NHSL2: variants seen among roughly 807,000 people sequenced by gnomAD.
The protein encoded by NHSL2 is NHS like 2, also known as NHS-like protein 2.
In NHSL2, 27 loss-of-function variants were observed where a neutral mutation model predicts 53.4. The ratio of observed to expected loss-of-function variants is 0.51; its 90% confidence interval spans 0.37 to 0.70. NHSL2 has a LOEUF of 0.70. NHSL2 is among the 30% of genes least tolerant of loss of function. The pLI is 0.00. For synonymous variants in NHSL2, 408 were observed against 404.1 expected, an observed-to-expected ratio of 1.01 and a Z score of -0.12; for missense variants, 892 against 980.1, an observed-to-expected ratio of 0.91 and a Z score of 1.20.
chrX:71,959,911 G>A (rs1219617454), intron 1 of NHSL2, among the ~76,000 whole-genome samples: 1 of 111,288 alleles, frequency 9.0e-6, no homozygotes, highest in Admixed American at 9.5e-5. Flanking sequence ...TTTTTGCGGA[G>A]CCTAGGAGTG....
At chrX:72,060,988 C>G (rs1349480985) in intron 1 of NHSL2, among the ~76,000 whole-genome samples, 1 of 112,607 alleles carries the variant, frequency 8.9e-6, no homozygotes, top group Non-Finnish European at 1.9e-5. Flanking sequence ...CTTGAAGGCA[C>G]AAGTTGGCAG....
intron 1 of NHSL2, among the ~76,000 whole-genome samples, chrX:72,120,296 A>T (rs375719945): frequency 1.8e-5 from 2 of 112,477 alleles, no homozygotes; most frequent in East Asian, 5.6e-4. Context: ...GTTTGGAAGA[A>T]TTCACCAATG....
At chrX:72,009,802 G>A (rs2042108654) in intron 1 of NHSL2, among the ~76,000 whole-genome samples, 1 of 112,683 alleles carries the variant, frequency 8.9e-6, no homozygotes, top group Non-Finnish European at 1.9e-5. Flanking sequence ...CAGTGCCTAG[G>A]ACAGGACCTG....
intron 1 of NHSL2, among the ~76,000 whole-genome samples, chrX:72,026,155 TGATGTATA>T (rs1335514424): frequency 8.9e-6 from 1 of 112,103 alleles, no homozygotes; most frequent in African/African-American, 3.2e-5. Flanking sequence ...CCCGATTCCC[TGATGTATA>T]GACAGCAGGA....
chrX:72,023,261 G>A (rs911906644), intron 1 of NHSL2, among the ~76,000 whole-genome samples: 1 of 112,611 alleles, frequency 8.9e-6, no homozygotes, highest in African/African-American at 3.2e-5. Flanking sequence ...GTAGAAATAC[G>A]TGTGAAAATG....
chrX:72,008,609 G>A (rs1168044081), intron 1 of NHSL2, among the ~76,000 whole-genome samples: 1 of 112,279 alleles, frequency 8.9e-6, no homozygotes, highest in Non-Finnish European at 1.9e-5. Context: ...ATGTGATAGG[G>A]TATTAGGATT....
intron 1 of NHSL2, among the ~76,000 whole-genome samples, chrX:71,948,831 A>C (rs1346683131): frequency 2.5e-5 from 2 of 80,478 alleles, no homozygotes; most frequent in Admixed American, 3.2e-4. Context: ...CTCTGTCAAA[A>C]AAAAAAAAAA....
In NHSL2 at chrX:72,143,378, G is replaced by T. The variant is rs2042435099; in HGVS notation, c.3482G>T (p.Gly1161Val). Reference protein sequence around the residue: ...SPISESTATAGSGSSANLDAG... With the variant: ...SPISESTATAVSGSSANLDAG... ...ATCAGTGAGTCTACCGCCACTGCAG[G>T]GTCAGGCAGCAGTGCCAACCTAGAT... The change falls in exon 8 of 8, where the codon GGG becomes GTG. Residue 1161 changes from glycine to valine, a missense_variant. By Grantham distance (109) the Gly-to-Val change is moderately radical. Coordinates refer to ENST00000633930, the MANE Select transcript of NHSL2 (RefSeq NM_001013627.3). 1 of 1,164,175 alleles carries T rather than the reference G, an allele frequency of 8.6e-7. No individual in the cohort carries two copies. Among genetic ancestry groups the T allele is most frequent in the African/African-American group, 1.8e-5 (1 of 55,449 alleles).
At chrX:72,069,570 G>T (rs1404317309) in intron 1 of NHSL2, 3 of 549,465 alleles carry the variant, frequency 5.5e-6, no homozygotes, top group Non-Finnish European at 7.5e-6. Flanking sequence ...GGTGATGTAA[G>T]CACCTGGGGA....
At chrX:71,942,821 G>A (rs2041772731) in intron 1 of NHSL2, among the ~76,000 whole-genome samples, 1 of 111,274 alleles carries the variant, frequency 9.0e-6, no homozygotes, top group Non-Finnish European at 1.9e-5. Context: ...CCAGACTCAG[G>A]ATGTCTGCGT....
chrX:72,034,075 T>C (rs2042229300), intron 1 of NHSL2, among the ~76,000 whole-genome samples: 1 of 112,095 alleles, frequency 8.9e-6, no homozygotes, highest in Non-Finnish European at 1.9e-5. Flanking sequence ...CTTTACCACG[T>C]TGAGGAAGTT....
At chrX:72,111,382 A>G (rs768664134) in intron 1 of NHSL2, among the ~76,000 whole-genome samples, 25 of 112,827 alleles carry the variant, frequency 2.2e-4, no homozygotes, top group African/African-American at 7.7e-4. Context: ...AGTGTCCCAA[A>G]TTCCTGGAAT....
intron 1 of NHSL2, among the ~76,000 whole-genome samples, chrX:72,051,470 A>G (rs1263190189): frequency 9.0e-6 from 1 of 111,494 alleles, no homozygotes; most frequent in Non-Finnish European, 1.9e-5. Flanking sequence ...CTGTTTCTCT[A>G]CAGCCCCATC....
rs1343393214 is a variant in NHSL2, at chrX:72,146,824, C to G, written c.*3250C>G. 9.0e-6 allele frequency: 1 copy of G among 111,726 alleles called. No individual in the cohort carries two copies. The highest frequency in any genetic ancestry group is 2.8e-4 in the East Asian group (1 of 3,580). The allele number at this position is 111,726 out of a possible 1,213,427, so 9.2% of individuals were successfully genotyped here. ...CCTCAGCTCCTGACTGGGCCTCCCCCACCAGCCCCAACTTATTCCTCAGCC... is the reference window on the plus strand; with the variant it reads ...CCTCAGCTCCTGACTGGGCCTCCCCGACCAGCCCCAACTTATTCCTCAGCC... On this transcript the variant is annotated 3_prime_UTR_variant, in exon 8 of 8. Transcript: ENST00000633930.
At chrX:72,130,686 G>T (rs1196206049) in intron 1 of NHSL2, 2 of 1,211,940 alleles carry the variant, frequency 1.7e-6, no homozygotes, top group Non-Finnish European at 2.2e-6. Context: ...AGAGCTCTTT[G>T]CGGAAGAATT....
At chrX:72,119,403 T>C (rs1198316324) in intron 1 of NHSL2, among the ~76,000 whole-genome samples, 1 of 112,363 alleles carries the variant, frequency 8.9e-6, no homozygotes. Context: ...TCCATGAACA[T>C]GTCTTTCCAT....
chrX:71,941,525 T>G (rs774557141), intron 1 of NHSL2, among the ~76,000 whole-genome samples: 9 of 111,980 alleles, frequency 8.0e-5, no homozygotes, highest in Non-Finnish European at 1.5e-4. Flanking sequence ...TTCACCTCTC[T>G]GATCCCCAGT....
rs5991875 is a variant in NHSL2, at chrX:71,916,391, G to C, written c.280+5024G>C. On this transcript the variant is annotated intron_variant, in intron 1 of 7. Transcript: ENST00000633930. ...TAACAGGCTCACTGGCTTTGCTGCTGTATTCCCTTTCTGAAGGCCTCAAAT... is the reference window on the plus strand; with the variant it reads ...TAACAGGCTCACTGGCTTTGCTGCTCTATTCCCTTTCTGAAGGCCTCAAAT... Among the ~76,000 whole-genome samples the C allele has an allele frequency of 2.8e-3, 313 of 112,455 alleles. 2 individuals are homozygous for C. The highest frequency in any genetic ancestry group is 9.2e-3 in the African/African-American group (285 of 30,979).
chrX:71,921,970 A>T (rs1310042794), intron 1 of NHSL2, among the ~76,000 whole-genome samples: 2 of 112,259 alleles, frequency 1.8e-5, no homozygotes, highest in Admixed American at 1.9e-4. Context: ...TGTATCCACA[A>T]ATATAATTTG....
Sources: allele counts gnomAD v4.1 joint callset (sites outside exome capture counted in the v4.1 genomes callset), GRCh38; gene constraint gnomAD v4.1.1; transcripts MANE v1.5; gene names NCBI Gene and HGNC (gene_info 2026-07-23, HGNC 2026-07-21).